Variants in DIAPH2 observed in about 807,000 individuals in gnomAD.
The protein encoded by DIAPH2 is protein diaphanous homolog 2.
In DIAPH2, 35 loss-of-function variants were observed where a neutral mutation model predicts 92.7. The ratio of observed to expected loss-of-function variants is 0.38; its 90% CI spans 0.29 to 0.50. The LOEUF is 0.50. Among genes scored for constraint, DIAPH2 ranks in the 20% least tolerant of loss-of-function variants. The probability of loss-of-function intolerance (pLI) is 0.94; values close to 1 mark genes in which losing one functional copy is unlikely to be tolerated. For missense variants in DIAPH2, 701 were observed against 819.5 expected, an observed-to-expected ratio of 0.86 and a Z score of 1.77; for synonymous variants, 301 against 280.4, an observed-to-expected ratio of 1.07 and a Z score of -0.73.
At chrX:97,274,481 C>T (rs1175117073) in intron 23 of DIAPH2, among the ~76,000 whole-genome samples, 1 of 104,203 alleles carries the variant, frequency 9.6e-6, no homozygotes, top group Non-Finnish European at 2.0e-5. Context: ...GCACTCCAGC[C>T]TCGGCAACAG....
At chrX:96,830,611 A>C (rs1332173159) in intron 4 of DIAPH2, among the ~76,000 whole-genome samples, 2 of 106,497 alleles carry the variant, frequency 1.9e-5, no homozygotes, top group South Asian at 4.2e-4. Flanking sequence ...GCAAATGAAA[A>C]CCCCTATTAA....
intron 23 of DIAPH2, among the ~76,000 whole-genome samples, chrX:97,267,895 G>C (rs967767555): frequency 9.0e-6 from 1 of 111,642 alleles, no homozygotes; most frequent in African/African-American, 3.3e-5. Flanking sequence ...CTCATGAATA[G>C]TTTTGTCACC....
chrX:97,460,953 A>G (rs758182258), intron 26 of DIAPH2, among the ~76,000 whole-genome samples: 4 of 112,425 alleles, frequency 3.6e-5, no homozygotes, highest in African/African-American at 1.3e-4. Context: ...TTTGGATCTC[A>G]GTTAATTCAC....
At chrX:96,712,557 G>A (rs1360562402) in intron 1 of DIAPH2, among the ~76,000 whole-genome samples, 1 of 110,674 alleles carries the variant, frequency 9.0e-6, no homozygotes, top group African/African-American at 3.3e-5. Context: ...ATAATGTTAT[G>A]TATTACCTTA....
intron 22 of DIAPH2, among the ~76,000 whole-genome samples, chrX:97,225,606 C>T (rs2067958895): frequency 9.0e-6 from 1 of 111,601 alleles, no homozygotes; most frequent in Non-Finnish European, 1.9e-5. Flanking sequence ...TCACTCATAT[C>T]CACTAGAAAT....
chrX:96,902,696 A>G (rs1026568609), intron 5 of DIAPH2, among the ~76,000 whole-genome samples: 5 of 111,592 alleles, frequency 4.5e-5, no homozygotes, highest in Admixed American at 1.9e-4. Flanking sequence ...TTAAAAAAAC[A>G]CATATTTAAC....
chrX:96,860,846 T>C (rs2065068847), intron 4 of DIAPH2, among the ~76,000 whole-genome samples: 1 of 111,682 alleles, frequency 9.0e-6, no homozygotes. Context: ...TGCTTTCAGT[T>C]ATGTACAATG....
At chrX:96,915,190 T>A (rs1264563509) in intron 7 of DIAPH2, among the ~76,000 whole-genome samples, 1 of 110,985 alleles carries the variant, frequency 9.0e-6, no homozygotes, top group African/African-American at 3.3e-5. Context: ...TAAAAACTAC[T>A]TATAAACATT....
intron 25 of DIAPH2, among the ~76,000 whole-genome samples, chrX:97,396,918 A>AT (rs1401067311): frequency 2.7e-5 from 3 of 112,008 alleles, no homozygotes; most frequent in African/African-American, 9.8e-5. Context: ...AGGTGTATGT[A>AT]TATACTCACA....
At position 97,429,409 on chromosome X, in the gene DIAPH2, A is replaced by G. The variant is rs745439523; in HGVS notation, c.3146-241A>G. ...TTGCATACTGAGCGTGTCATCAATA[A>G]TACAAAAGACAAGGTCTTTAAGTTG... On this transcript the variant is annotated intron_variant, in intron 25 of 26. Transcript: ENST00000324765. Among the ~76,000 whole-genome samples, 15 of 111,596 alleles carry G rather than the reference A, an allele frequency of 1.3e-4. No individual in the cohort carries two copies. In the East Asian group the frequency reaches 4.2e-3, roughly 31 times the overall value.
chrX:97,577,176 TCA>T (rs1037982623), intron 26 of DIAPH2, among the ~76,000 whole-genome samples: 1 of 111,949 alleles, frequency 8.9e-6, no homozygotes, highest in Admixed American at 9.5e-5. Flanking sequence ...CTTTAAAGAT[TCA>T]CAGTTAGACC....
intron 26 of DIAPH2, among the ~76,000 whole-genome samples, chrX:97,597,360 G>T (rs1172283272): frequency 8.9e-6 from 1 of 112,338 alleles, no homozygotes; most frequent in African/African-American, 3.2e-5. Flanking sequence ...CACACCAGAT[G>T]ACACCAGTAA....
rs2069828022 is a variant in DIAPH2 at position 97,408,016 on chromosome X, G to A, written c.3146-21634G>A. Among the ~76,000 whole-genome samples the A allele has an allele frequency of 2.7e-5, 3 of 111,731 alleles. No homozygotes were observed. The South Asian group carries it at 1.1e-3, about 41-fold the overall frequency. ...TGACTTTATTTTAAAAGAACCACATGATGTTCAGAAATTGATATAATTATA... is the reference window on the plus strand; with the variant it reads ...TGACTTTATTTTAAAAGAACCACATAATGTTCAGAAATTGATATAATTATA... On this transcript the variant is annotated intron_variant, in intron 25 of 26. Coordinates refer to ENST00000324765, the MANE Select transcript of DIAPH2 (RefSeq NM_006729.5).
At chrX:97,279,807 C>T (rs185867189) in intron 23 of DIAPH2, among the ~76,000 whole-genome samples, 1,314 of 111,131 alleles carry the variant, frequency 0.012, 25 homozygotes, top group African/African-American at 0.041. Flanking sequence ...ATATACATCT[C>T]GGGCTGTTTC....
chrX:97,545,078 C>G (rs924220047), intron 26 of DIAPH2, among the ~76,000 whole-genome samples: 7 of 110,470 alleles, frequency 6.3e-5, no homozygotes, highest in Non-Finnish European at 3.8e-5. Flanking sequence ...TCTCATCTAC[C>G]CTTTACTCCA....
chrX:97,561,297 A>T (rs993520382), intron 26 of DIAPH2, among the ~76,000 whole-genome samples: 2 of 112,283 alleles, frequency 1.8e-5, no homozygotes, highest in Admixed American at 9.4e-5. Context: ...ATGGATATGT[A>T]GAGATAATTT....
intron 23 of DIAPH2, among the ~76,000 whole-genome samples, chrX:97,293,277 A>G (rs1185328795): frequency 1.5e-5 from 1 of 68,747 alleles, no homozygotes; most frequent in Non-Finnish European, 2.5e-5. Flanking sequence ...TTTGAGACGG[A>G]GTCTAGCTCT....
intron 22 of DIAPH2, among the ~76,000 whole-genome samples, chrX:97,148,823 A>T (rs999011100): frequency 2.7e-5 from 3 of 112,058 alleles, no homozygotes; most frequent in Non-Finnish European, 5.6e-5. Flanking sequence ...GAGGAGAAAC[A>T]AGGTAAATTA....
chrX:96,809,485 G>A (rs751251732), intron 4 of DIAPH2, among the ~76,000 whole-genome samples: 1 of 108,669 alleles, frequency 9.2e-6, no homozygotes, highest in East Asian at 2.9e-4. Flanking sequence ...TATGCCCATT[G>A]CACCACAACT....
Sources: allele counts gnomAD v4.1 joint callset (sites outside exome capture counted in the v4.1 genomes callset), GRCh38; gene constraint gnomAD v4.1.1; transcripts MANE v1.5; gene names NCBI Gene and HGNC (gene_info 2026-07-23, HGNC 2026-07-21).